VWF: variants seen among roughly 807,000 people sequenced by gnomAD.
VWF encodes the protein von Willebrand factor, also known as Factor VIII related antigen.
Under a neutral mutation model 308.6 loss-of-function variants are expected in VWF, and 176 were observed. The ratio of observed to expected loss-of-function variants is 0.57; its 90% CI spans 0.50 to 0.65. The LOEUF is 0.65. Among genes scored for constraint, VWF ranks in the 30% least tolerant of loss-of-function variants. VWF has a pLI of 0.00. For synonymous variants in VWF, 1,385 were observed against 1,443.4 expected (o/e 0.96, Z 0.92); for missense variants, 3,146 against 3,648.2 (o/e 0.86, Z 3.55).
Position 6,016,667 on chromosome 12 carries a change from C to T in VWF, c.5171-11G>A, listed in dbSNP as rs757255231. On this transcript the variant is annotated splice_polypyrimidine_tract_variant and intron_variant, in intron 29 of 51. Coordinates refer to ENST00000261405, the MANE Select transcript of VWF (RefSeq NM_000552.5). ...GAGTGAGACGAGGCCCTAAACGGAA[C>T]GAGAAAATGCGGATTATTTTGAATC... is the stretch of plus-strand genomic sequence containing the variant. 1.2e-5 allele frequency: 20 copies of T among 1,614,050 alleles called. No homozygotes were observed. In the East Asian group the frequency reaches 1.6e-4, roughly 13 times the overall value.
intron 43 of VWF, among the ~76,000 whole-genome samples, chr12:5,972,062 C>G (rs1943483728): frequency 6.6e-6 from 1 of 152,126 alleles, no homozygotes; most frequent in Admixed American, 6.5e-5. Flanking sequence ...CCTCACTGAC[C>G]GGGAGGCACA....
chr12:6,116,271 C>G (rs572978327), intron 3 of VWF, among the ~76,000 whole-genome samples: 1 of 152,190 alleles, frequency 6.6e-6, no homozygotes, highest in Non-Finnish European at 1.5e-5. Flanking sequence ...GCCTGCTGAA[C>G]GCAGTGATTA....
chr12:6,092,338 T>C (rs1304912699), intron 6 of VWF, among the ~76,000 whole-genome samples: 1 of 151,618 alleles, frequency 6.6e-6, no homozygotes, highest in East Asian at 1.9e-4. Flanking sequence ...CCTTCCCTTT[T>C]TGCGGGTTTT....
At position 5,995,422 on chromosome 12, in the gene VWF, C is replaced by T. The variant is rs541778586; in HGVS notation, c.6063+580G>A. On this transcript the variant is annotated intron_variant, in intron 35 of 51. Coordinates refer to ENST00000261405, the MANE Select transcript of VWF (RefSeq NM_000552.5). ...TATTGTTCAAATTCAGGAATTCTTG[C>T]GAAGTGAGAAAATCTAGCTTACAAG... Among the ~76,000 whole-genome samples the T allele has an allele frequency of 4.6e-4, 70 of 152,096 alleles. 1 individual carries two copies. In the South Asian group the frequency reaches 0.01, roughly 22 times the overall value.
chr12:5,973,723 C>T (rs182521337), intron 43 of VWF, among the ~76,000 whole-genome samples: 35 of 152,314 alleles, frequency 2.3e-4, no homozygotes, highest in Non-Finnish European at 4.6e-4. Flanking sequence ...CTTCTTCTTC[C>T]TGAGGAGTAT....
chr12:6,051,190 C>T (rs1459215085), intron 16 of VWF, among the ~76,000 whole-genome samples: 2 of 151,710 alleles, frequency 1.3e-5, no homozygotes, highest in Non-Finnish European at 2.9e-5. Context: ...TGCTGATAAT[C>T]ATTGAAGCTG....
chr12:6,041,471 C>T (rs1274147161), intron 18 of VWF, among the ~76,000 whole-genome samples: 2 of 151,228 alleles, frequency 1.3e-5, no homozygotes, highest in East Asian at 2.0e-4. Context: ...TTTTTTGAGA[C>T]GGAGTCTCGC....
chr12:5,987,815 C>T (rs1943696130), intron 38 of VWF, among the ~76,000 whole-genome samples: 1 of 152,164 alleles, frequency 6.6e-6, no homozygotes, highest in South Asian at 2.1e-4. Flanking sequence ...TGACAGAAAG[C>T]AGACCAGTAG....
chr12:6,103,401 T>TGTGTGTATACACACGTGTGTGTATACAC lies in VWF; in HGVS notation c.532+6945_532+6972dup, dbSNP rs1565390904. 6.6e-3 allele frequency among the ~76,000 whole-genome samples: 731 copies of TGTGTGTATACACACGTGTGTGTATACAC among 110,484 alleles called. 21 individuals carry two copies. The highest frequency in any genetic ancestry group is 9.7e-3 in the Non-Finnish European group (592 of 60,822). The allele number at this position is 110,484 out of a possible 152,430, so 72.5% of individuals were successfully genotyped here. A position where few individuals can be genotyped will look rare whatever the true frequency, so the allele number is the denominator to read the frequency against. ...GTGTATACACGTGTGTGTATACACG[T>TGTGTGTATACACACGTGTGTGTATACAC]GTGTGTATACACACGTGTGTGTATA... On this transcript the variant is annotated intron_variant, in intron 5 of 51. Coordinates refer to ENST00000261405, the MANE Select transcript of VWF (RefSeq NM_000552.5).
rs140292383 is a variant in VWF, at chr12:6,031,355, C to T, written c.2820+89G>A. The T allele has an allele frequency of 4.1e-5, 66 of 1,603,902 alleles. No homozygotes were observed. In the African/African-American group the frequency reaches 5.2e-4, roughly 13 times the overall value. On this transcript the variant is annotated intron_variant, in intron 21 of 51. Coordinates refer to ENST00000261405, the MANE Select transcript of VWF (RefSeq NM_000552.5). ...ATGGCTGTGCGTTATTCCATTCACA[C>T]GAGCTCTAAATGAATGCTTGGAAAA...
chr12:6,040,747 T>C (rs189637436), intron 18 of VWF, among the ~76,000 whole-genome samples: 39 of 152,276 alleles, frequency 2.6e-4, no homozygotes, highest in Admixed American at 1.6e-3. Context: ...CAGGAGACCT[T>C]TGCACGATGG....
chr12:6,047,800 A>C (rs190084671), intron 16 of VWF, among the ~76,000 whole-genome samples: 6 of 152,326 alleles, frequency 3.9e-5, no homozygotes, highest in South Asian at 4.1e-4. Context: ...CTTCTGTTGC[A>C]CAATACACCT....
At chr12:6,102,824 A>C (rs995213823) in intron 5 of VWF, among the ~76,000 whole-genome samples, 1 of 152,250 alleles carries the variant, frequency 6.6e-6, no homozygotes, top group African/African-American at 2.4e-5. Context: ...AGCAATCTAC[A>C]GATTCAATGT....
chr12:6,026,333 G>A (rs1465671149), intron 22 of VWF, among the ~76,000 whole-genome samples: 2 of 152,174 alleles, frequency 1.3e-5, no homozygotes, highest in African/African-American at 4.8e-5. Context: ...GTGGGAATCA[G>A]GCAGCCTTGG....
chr12:6,034,704 T>G lies in VWF; in HGVS notation c.2669A>C (p.Gln890Pro). ...ACCTCTCACCTGCACCAGAACGTAC[T>G]GGCACTCCCCGGGGAACAGGTATTT... Reference protein sequence around the residue: ...GLKYLFPGECQYVLVQDYCGS... With the variant: ...GLKYLFPGECPYVLVQDYCGS... Residue 890 changes from glutamine to proline, a missense_variant, in exon 20 of 52, where the codon CAG (glutamine) becomes CCG (proline). Transcript: ENST00000261405. 11 of 1,613,958 alleles carry G rather than the reference T, an allele frequency of 6.8e-6. No homozygotes were observed. The highest frequency in any genetic ancestry group is 9.3e-6 in the Non-Finnish European group (11 of 1,179,934).
At chr12:6,103,434 G>A in intron 5 of VWF, among the ~76,000 whole-genome samples, 1 of 121,508 alleles carries the variant, frequency 8.2e-6, no homozygotes, top group African/African-American at 4.5e-5. Context: ...ATACACACGT[G>A]TGTATATACA....
At chr12:6,062,824 G>A (rs755069956) in intron 13 of VWF, 130 bp downstream of exon 13, 3 of 741,762 alleles carry the variant, frequency 4.0e-6, no homozygotes, top group Non-Finnish European at 6.8e-6. Flanking sequence ...CCTGTTTCTC[G>A]CTCTGGGGGT....
At chr12:5,992,718 T>C (rs1218892454) in intron 37 of VWF, among the ~76,000 whole-genome samples, 1 of 152,244 alleles carries the variant, frequency 6.6e-6, no homozygotes, top group African/African-American at 2.4e-5. Context: ...TCCCTCGTTC[T>C]GATTCGCTCA....
chr12:5,949,291 G>C lies in VWF; in HGVS notation c.8254-88C>G, dbSNP rs1417602443. On this transcript the variant is annotated intron_variant, in intron 51 of 51. Transcript: ENST00000261405. The stretch of plus-strand genomic sequence containing the variant: ...CTCTGGGGCAGCCTGCTTTCTCCCT[G>C]ACCCCCTCCAAGCAAGGCAGGTCTG... 13 of 1,407,458 alleles carry C rather than the reference G, an allele frequency of 9.2e-6. No homozygotes were observed. In the Admixed American group the frequency reaches 2.3e-4, roughly 25 times the overall value. The allele number at this position is 1,407,458 out of a possible 1,614,324, so 87.2% of individuals were successfully genotyped here. A position where few individuals can be genotyped will look rare whatever the true frequency, so the allele number is the denominator to read the frequency against.
Sources: gnomAD v4.1 joint callset for allele counts (sites outside exome capture counted in the v4.1 genomes callset) on GRCh38, gnomAD v4.1.1 for gene constraint, MANE v1.5 for transcripts, NCBI Gene and HGNC (gene_info 2026-07-23, HGNC 2026-07-21) for gene names.